MACO1: variants seen among roughly 807,000 people sequenced by gnomAD.
The protein encoded by MACO1 is macoilin.
Under a neutral mutation model 78.7 loss-of-function variants are expected in MACO1, and 14 were observed. That is an observed-to-expected ratio of 0.18 (90% CI 0.12 to 0.28). The LOEUF is 0.28. Ranked by LOEUF, MACO1 falls within the 10% of genes least tolerant of loss-of-function variation. MACO1 has a pLI of 1.00. For missense variants in MACO1, 501 were observed against 799.0 expected (o/e 0.63, Z 4.50); for synonymous variants, 288 against 291.6 (o/e 0.99, Z 0.12).
chr1:25,458,484 A>G lies in MACO1; in HGVS notation c.746A>G (p.Glu249Gly). 5 of 1,614,064 alleles carry G rather than the reference A, an allele frequency of 3.1e-6. No homozygotes were observed. Among genetic ancestry groups the G allele is most frequent in the South Asian group, 1.1e-5 (1 of 91,076 alleles). ...ANKKLSTTLP[E>G]IEYREKGKEK... ...AAAAAACTCTCCACAACTTTGCCAG[A>G]GATAGAATACCGAGAAAAAGGGAAA... Residue 249 changes from glutamate to glycine, a missense_variant, in exon 6 of 11, where the codon GAG becomes GGG. Around this residue, in one of 5 missense-constraint regions of MACO1, gnomAD observed 90 missense variants for 85.7 expected, o/e 1.05. Coordinates refer to ENST00000374343, the MANE Select transcript of MACO1 (RefSeq NM_018202.6).
chr1:25,464,206 C>A (rs976359274), intron 6 of MACO1, among the ~76,000 whole-genome samples: 2 of 152,132 alleles, frequency 1.3e-5, no homozygotes, highest in Non-Finnish European at 2.9e-5. Context: ...TTTTCACTAT[C>A]TCTTTAGTTT....
chr1:25,441,818 A>C (rs989380896), intron 1 of MACO1, among the ~76,000 whole-genome samples: 18 of 152,172 alleles, frequency 1.2e-4, no homozygotes, highest in African/African-American at 4.1e-4. Flanking sequence ...TTAGGTAGGG[A>C]TCTTGGCTTT....
chr1:25,452,333 T>G (rs949657120), intron 3 of MACO1, among the ~76,000 whole-genome samples: 8 of 152,218 alleles, frequency 5.3e-5, no homozygotes, highest in Non-Finnish European at 8.8e-5. Flanking sequence ...CTGATATAGA[T>G]GGACCTAGCC....
At chr1:25,469,834 G>T (rs369349922) in intron 6 of MACO1, among the ~76,000 whole-genome samples, 7 of 151,808 alleles carry the variant, frequency 4.6e-5, no homozygotes, top group African/African-American at 1.5e-4. Context: ...CACCGTATTG[G>T]CCAGGCTGGT....
chr1:25,434,624 G>T (rs1571945313), intron 1 of MACO1, among the ~76,000 whole-genome samples: 1 of 152,276 alleles, frequency 6.6e-6, no homozygotes, highest in Non-Finnish European at 1.5e-5. Flanking sequence ...ATTAACAGCT[G>T]TATTTTGCTC....
rs202050214 is a variant in MACO1, at chr1:25,480,929, AAT to A, written c.1155-3142_1155-3141del. ...AGACTTGGTTAAAAAAAAAAAAAAA[AAT>A]ATATATATATATATATATATATATA... On this transcript the variant is annotated intron_variant, in intron 6 of 10. Coordinates refer to ENST00000374343, the MANE Select transcript of MACO1 (RefSeq NM_018202.6). 3.1e-3 allele frequency among the ~76,000 whole-genome samples: 146 copies of A among 47,866 alleles called. 2 individuals are homozygous for A. Among genetic ancestry groups the A allele is most frequent in the South Asian group, 6.5e-3 (7 of 1,072 alleles). The allele number at this position is 47,866 out of a possible 152,430, so 31.4% of individuals were successfully genotyped here.
At chr1:25,457,885 A>G (rs2043134948) in intron 5 of MACO1, among the ~76,000 whole-genome samples, 1 of 152,234 alleles carries the variant, frequency 6.6e-6, no homozygotes, top group African/African-American at 2.4e-5. Context: ...TTATTACCTC[A>G]ACACTAGAGT....
intron 6 of MACO1, among the ~76,000 whole-genome samples, chr1:25,479,566 C>A (rs868496547): frequency 7.2e-5 from 11 of 152,142 alleles, no homozygotes; most frequent in Admixed American, 2.0e-4. Context: ...AGGCACAAGC[C>A]CAGCTGCTTT....
intron 8 of MACO1, 46 bp from the exon 9 acceptor site, chr1:25,489,123 AACCT>A (rs770149462): frequency 6.3e-7 from 1 of 1,582,494 alleles, no homozygotes; most frequent in Non-Finnish European, 8.6e-7. Flanking sequence ...GCCCAGCCCC[AACCT>A]ATAGTCTTTT....
At chr1:25,439,040 G>A (rs1177399347) in intron 1 of MACO1, among the ~76,000 whole-genome samples, 1 of 151,966 alleles carries the variant, frequency 6.6e-6, no homozygotes, top group East Asian at 1.9e-4. Flanking sequence ...CAATCATCTT[G>A]GGGCAGGACT....
intron 10 of MACO1, among the ~76,000 whole-genome samples, chr1:25,496,223 C>G (rs2043535288): frequency 6.6e-6 from 1 of 151,434 alleles, no homozygotes; most frequent in Non-Finnish European, 1.5e-5. Flanking sequence ...TCTTGCCTCA[C>G]TACAACCTCC....
intron 6 of MACO1, among the ~76,000 whole-genome samples, chr1:25,474,586 G>T (rs1481838557): frequency 6.6e-6 from 1 of 152,128 alleles, no homozygotes; most frequent in Non-Finnish European, 1.5e-5. Flanking sequence ...TCCCACACCT[G>T]ACTGTGAGGC....
intron 10 of MACO1, among the ~76,000 whole-genome samples, chr1:25,493,430 T>C (rs1571993150): frequency 1.3e-5 from 2 of 151,834 alleles, no homozygotes; most frequent in South Asian, 4.2e-4. Flanking sequence ...CTGTTTTTTT[T>C]CTAGAGACGA....
At chr1:25,483,045 CGTTT>C (rs1253484345) in intron 6 of MACO1, among the ~76,000 whole-genome samples, 2 of 151,928 alleles carry the variant, frequency 1.3e-5, no homozygotes, top group Non-Finnish European at 2.9e-5. Context: ...TTATAGTTTT[CGTTT>C]GTTTGTTTTT....
At chr1:25,441,453 G>A (rs150006993) in intron 1 of MACO1, among the ~76,000 whole-genome samples, 23 of 152,268 alleles carry the variant, frequency 1.5e-4, no homozygotes, top group Non-Finnish European at 2.6e-4. Context: ...CCAAAGTGCT[G>A]GGATTATAGG....
At chr1:25,475,847 C>G (rs768980123) in intron 6 of MACO1, among the ~76,000 whole-genome samples, 11 of 152,210 alleles carry the variant, frequency 7.2e-5, no homozygotes, top group Admixed American at 1.3e-4. Context: ...TAAGCTCATA[C>G]TATGTATGTT....
At chr1:25,471,341 C>CA (rs34002682) in intron 6 of MACO1, among the ~76,000 whole-genome samples, 2,590 of 125,140 alleles carry the variant, frequency 0.021, 112 homozygotes, top group Admixed American at 0.11. Context: ...TCTGTCTCAA[C>CA]AAAAAAAAAA....
intron 1 of MACO1, among the ~76,000 whole-genome samples, chr1:25,439,248 T>C (rs2042946314): frequency 1.3e-5 from 2 of 151,872 alleles, no homozygotes; most frequent in Non-Finnish European, 2.9e-5. Context: ...AGAAAAAAAA[T>C]AGCCAGGCAT....
intron 1 of MACO1, among the ~76,000 whole-genome samples, chr1:25,440,245 A>G (rs1271485629): frequency 6.7e-6 from 1 of 150,256 alleles, no homozygotes; most frequent in Non-Finnish European, 1.5e-5. Context: ...AAAAAAAAAA[A>G]AAAATTAGCC....
Sources: allele counts gnomAD v4.1 joint callset (sites outside exome capture counted in the v4.1 genomes callset), GRCh38; gene constraint gnomAD v4.1.1; regional missense constraint gnomAD v4.1.1; transcripts MANE v1.5; gene names NCBI Gene and HGNC (gene_info 2026-07-23, HGNC 2026-07-21).